RASSF8: variants seen among roughly 807,000 people sequenced by gnomAD.
The protein encoded by RASSF8 is ras association domain-containing protein 8.
A neutral mutation model predicts 48.5 loss-of-function variants in RASSF8; 22 were observed. That is an observed-to-expected ratio of 0.45 (90% CI 0.32 to 0.65). RASSF8 has a LOEUF of 0.65. Ranked by LOEUF, RASSF8 falls within the 30% of genes least tolerant of loss-of-function variation. The probability of loss-of-function intolerance (pLI) is 0.03; values close to 1 mark genes in which losing one functional copy is unlikely to be tolerated. For synonymous variants in RASSF8, 127 were observed against 171.5 expected, an observed-to-expected ratio of 0.74 and a Z score of 2.03; for missense variants, 418 against 489.2, an observed-to-expected ratio of 0.85 and a Z score of 1.37.
chr12:26,071,485 T>C lies in RASSF8; in HGVS notation c.*2667T>C, dbSNP rs1317711053. On this transcript the variant is annotated 3_prime_UTR_variant, in exon 6 of 6. Transcript: ENST00000689635. ...AATACATTTAAAGATCTTTTTATCT[T>C]ACCAAGAAATAATTTGGAATAGCAT... 1.0e-6 allele frequency: 1 copy of C among 957,848 alleles called. No individual in the cohort carries two copies. The highest frequency in any genetic ancestry group is 1.2e-6 in the Non-Finnish European group (1 of 804,872). 59.3% of individuals were successfully genotyped at this position (957,848 alleles called of 1,614,324 possible).
chr12:26,065,411 ATGTT>A (rs1943850756), intron 4 of RASSF8, 24 bp downstream of exon 4: 2 of 1,560,680 alleles, frequency 1.3e-6, no homozygotes, highest in Non-Finnish European at 1.7e-6. Flanking sequence ...GATAAATAGA[ATGTT>A]TGGCCCATGT....
chr12:26,027,645 G>A (rs1225263089), intron 2 of RASSF8, among the ~76,000 whole-genome samples: 1 of 152,204 alleles, frequency 6.6e-6, no homozygotes, highest in Non-Finnish European at 1.5e-5. Flanking sequence ...CCTTGGAGCT[G>A]AGAATTTCCT....
intron 2 of RASSF8, among the ~76,000 whole-genome samples, chr12:26,016,038 C>T (rs946307524): frequency 1.3e-5 from 2 of 152,094 alleles, no homozygotes; most frequent in East Asian, 3.9e-4. Flanking sequence ...TTTTGCCTGT[C>T]GAGCAGTCAT....
chr12:25,985,596 C>G (rs554383593), intron 1 of RASSF8, among the ~76,000 whole-genome samples: 2 of 152,200 alleles, frequency 1.3e-5, no homozygotes, highest in Admixed American at 6.5e-5. Context: ...CGGCAATTAT[C>G]GAGGATCTGC....
chr12:26,024,851 G>A (rs1416800552), intron 2 of RASSF8, among the ~76,000 whole-genome samples: 1 of 152,072 alleles, frequency 6.6e-6, no homozygotes, highest in African/African-American at 2.4e-5. Flanking sequence ...CAGCTACTTG[G>A]GAGGCTGAGG....
intron 2 of RASSF8, among the ~76,000 whole-genome samples, chr12:26,024,120 C>T (rs886856343): frequency 1.3e-5 from 2 of 152,060 alleles, no homozygotes; most frequent in Admixed American, 6.6e-5. Context: ...GACACAAAAA[C>T]TGGGAAGAGG....
At chr12:25,996,249 A>G (rs1241623830) in intron 2 of RASSF8, among the ~76,000 whole-genome samples, 1 of 152,220 alleles carries the variant, frequency 6.6e-6, no homozygotes, top group Non-Finnish European at 1.5e-5. Flanking sequence ...AGGCCTTGCC[A>G]TTTGTAATAT....
chr12:26,079,178 G>T (rs946836366), exon 6 of RASSF8: 10 of 745,354 alleles, frequency 1.3e-5, no homozygotes, highest in Admixed American at 6.1e-5. Flanking sequence ...AAAATGAAAA[G>T]GTGGACTGTA....
rs61465811 is a variant in RASSF8, at chr12:26,058,538, G to GCACACA, written c.103+3111_103+3116dup. Among the ~76,000 whole-genome samples the GCACACA allele has an allele frequency of 3.2e-3, 478 of 149,098 alleles. 1 individual carries two copies. Among genetic ancestry groups the GCACACA allele is most frequent in the East Asian group, 0.014 (74 of 5,148 alleles). On this transcript the variant is annotated intron_variant, in intron 3 of 5. Coordinates refer to ENST00000689635, the MANE Select transcript of RASSF8 (RefSeq NM_001394098.1). ...ACTACACACATGCGCACGCGCGCGC[G>GCACACA]CACACACACACACACACACACACAG...
chr12:25,964,077 A>G (rs1445143723), intron 1 of RASSF8, among the ~76,000 whole-genome samples: 1 of 152,202 alleles, frequency 6.6e-6, no homozygotes, highest in African/African-American at 2.4e-5. Flanking sequence ...CTGTGCCTGC[A>G]GGACATTCGC....
intron 1 of RASSF8, among the ~76,000 whole-genome samples, chr12:25,979,761 GGA>G (rs1941694187): frequency 6.6e-6 from 1 of 152,206 alleles, no homozygotes; most frequent in South Asian, 2.1e-4. Flanking sequence ...TCACTGTAGA[GGA>G]GAGAGGTTGA....
intron 1 of RASSF8, among the ~76,000 whole-genome samples, chr12:25,976,425 AC>A (rs1941606759): frequency 6.6e-6 from 1 of 152,142 alleles, no homozygotes. Context: ...TAACTTTGTA[AC>A]TTCACCTTAG....
In RASSF8 at chr12:25,963,053, C is replaced by T. The variant is rs532313998; in HGVS notation, c.-203+3905C>T. 7.2e-5 allele frequency among the ~76,000 whole-genome samples: 11 copies of T among 152,148 alleles called. No homozygotes were observed. In the South Asian group the frequency reaches 8.3e-4, roughly 12 times the overall value. ...TACTGTGCCTTACTATTTTACAGAG[C>T]GTCACATGATAACACGTTAGTCAGC... On this transcript the variant is annotated intron_variant, in intron 1 of 5. Transcript: ENST00000689635.
intron 2 of RASSF8, among the ~76,000 whole-genome samples, chr12:26,048,121 A>G (rs1326848340): frequency 1.3e-5 from 2 of 152,234 alleles, no homozygotes; most frequent in South Asian, 2.1e-4. Flanking sequence ...GTCAAGGGCA[A>G]TTGAGCCGGG....
chr12:26,015,596 AAGTTAAGT>A (rs1363957842), intron 2 of RASSF8, among the ~76,000 whole-genome samples: 2 of 152,206 alleles, frequency 1.3e-5, no homozygotes, highest in African/African-American at 4.8e-5. Flanking sequence ...TACGTCTTTA[AAGTTAAGT>A]AAGATTATAC....
chr12:26,042,998 CT>C (rs1470130064), intron 2 of RASSF8, among the ~76,000 whole-genome samples: 17 of 152,148 alleles, frequency 1.1e-4, no homozygotes, highest in South Asian at 2.1e-4. Context: ...CATTCCCCCC[CT>C]AGTTAAGCAT....
intron 2 of RASSF8, among the ~76,000 whole-genome samples, chr12:26,002,909 C>T (rs1294064690): frequency 6.6e-6 from 1 of 152,152 alleles, no homozygotes; most frequent in Non-Finnish European, 1.5e-5. Flanking sequence ...GTTTATAGTA[C>T]ATGATGTTTA....
At chr12:26,010,527 G>C (rs1942497599) in intron 2 of RASSF8, among the ~76,000 whole-genome samples, 1 of 152,174 alleles carries the variant, frequency 6.6e-6, no homozygotes, top group Non-Finnish European at 1.5e-5. Context: ...GATTACCCCG[G>C]CCCTGGGGAG....
At chr12:26,057,878 G>A (rs1943644090) in intron 3 of RASSF8, among the ~76,000 whole-genome samples, 1 of 152,202 alleles carries the variant, frequency 6.6e-6, no homozygotes, top group South Asian at 2.1e-4. Flanking sequence ...CTGATGGACA[G>A]TGATGGTGAG....
Sources: allele counts gnomAD v4.1 joint callset (sites outside exome capture counted in the v4.1 genomes callset), GRCh38; gene constraint gnomAD v4.1.1; transcripts MANE v1.5; gene names NCBI Gene and HGNC (gene_info 2026-07-23, HGNC 2026-07-21).